NBEA: variants seen among roughly 807,000 people sequenced by gnomAD.
NBEA encodes lysosomal-trafficking regulator 2.
Under a neutral mutation model 343.4 loss-of-function variants are expected in NBEA, and 44 were observed. That is an observed-to-expected ratio of 0.13 (90% confidence interval 0.10 to 0.16). NBEA has a LOEUF of 0.16. NBEA is among the 10% of genes least tolerant of loss of function. NBEA has a pLI of 1.00. For synonymous variants in NBEA, 1,175 were observed against 1,238.7 expected (o/e 0.95, Z 1.08); for missense variants, 2,555 against 3,631.3 (o/e 0.70, Z 7.62).
At chr13:34,994,462 G>A (rs2060872453) in intron 1 of NBEA, among the ~76,000 whole-genome samples, 1 of 152,102 alleles carries the variant, frequency 6.6e-6, no homozygotes, top group African/African-American at 2.4e-5. Flanking sequence ...CAGCAATTGA[G>A]AGTGTTGATG....
intron 1 of NBEA, among the ~76,000 whole-genome samples, chr13:35,033,874 ATTTG>A (rs1446494387): frequency 4.0e-5 from 6 of 151,554 alleles, no homozygotes; most frequent in African/African-American, 9.7e-5. Flanking sequence ...ACTTTACTGA[ATTTG>A]TTTATTATTC....
intron 1 of NBEA, among the ~76,000 whole-genome samples, chr13:34,944,312 A>T (rs1264140382): frequency 6.6e-6 from 1 of 152,184 alleles, no homozygotes. Flanking sequence ...TCTATTGGAA[A>T]ACTGAGAGAA....
At chr13:35,060,442 G>T (rs1195223850) in intron 8 of NBEA, among the ~76,000 whole-genome samples, 3 of 151,732 alleles carry the variant, frequency 2.0e-5, no homozygotes, top group Non-Finnish European at 4.4e-5. Flanking sequence ...GTCATCATGT[G>T]TACACAGCTC....
At chr13:35,543,494 A>G (rs2078926330) in intron 41 of NBEA, among the ~76,000 whole-genome samples, 1 of 152,196 alleles carries the variant, frequency 6.6e-6, no homozygotes, top group Admixed American at 6.5e-5. Flanking sequence ...CTTTGAAAGT[A>G]AAGAATTGGG....
chr13:35,670,971 G>T lies in NBEA; in HGVS notation c.8884G>T (p.Glu2962Ter). The T allele has an allele frequency of 6.3e-7, 1 of 1,581,716 alleles. No individual in the cohort carries two copies. Among genetic ancestry groups the T allele is most frequent in the Non-Finnish European group, 8.6e-7 (1 of 1,162,362 alleles). The change falls in exon 59 of 59, where the codon GAG becomes TAG. Residue 2962 changes from glutamate (E) to a stop codon, truncating the protein, a stop_gained. Transcript: ENST00000379939. LOFTEE classifies it high-confidence loss of function. ...FNIDFNRWHY[E>*]HQNRY ...TATAGATTTTAATCGGTGGCATTAT[G>T]AGCATCAGAACAGATACTGAAGATA...
chr13:35,412,596 C>G (rs529756079), intron 38 of NBEA, among the ~76,000 whole-genome samples: 1 of 152,018 alleles, frequency 6.6e-6, no homozygotes, highest in Non-Finnish European at 1.5e-5. Flanking sequence ...TGGCTTGGCT[C>G]ATAGATTTGT....
rs1209338263 is a variant in NBEA at position 35,462,328 on chromosome 13, CAT to C, written c.6449-10071_6449-10070del. Among the ~76,000 whole-genome samples, 3 of 152,270 alleles carry C rather than the reference CAT, an allele frequency of 2.0e-5. No homozygotes were observed. The East Asian group carries it at 5.8e-4, about 29-fold the overall frequency. Reference sequence around the variant, plus strand: ...AACAGAAAACACGATCCTAGAATAACATGGATTCTGGAAAGCCTTTATTAGAA... The same window carrying C: ...AACAGAAAACACGATCCTAGAATAACGGATTCTGGAAAGCCTTTATTAGAA... On this transcript the variant is annotated intron_variant, in intron 40 of 58. Coordinates refer to ENST00000379939, the MANE Select transcript of NBEA (RefSeq NM_001385012.1).
intron 41 of NBEA, among the ~76,000 whole-genome samples, chr13:35,537,132 A>G (rs968552275): frequency 2.0e-5 from 3 of 152,160 alleles, no homozygotes; most frequent in African/African-American, 7.2e-5. Flanking sequence ...ATAATAAAAT[A>G]CAAATGGTAA....
chr13:35,288,134 C>G (rs1440986599), intron 34 of NBEA, among the ~76,000 whole-genome samples: 1 of 151,902 alleles, frequency 6.6e-6, no homozygotes, highest in Non-Finnish European at 1.5e-5. Flanking sequence ...TACACTCAAA[C>G]TTTTTGAGAC....
At chr13:35,605,055 T>C (rs1012272310) in intron 47 of NBEA, among the ~76,000 whole-genome samples, 2 of 152,194 alleles carry the variant, frequency 1.3e-5, no homozygotes, top group South Asian at 4.1e-4. Context: ...CAGTTTCTGG[T>C]ACTAAAAACC....
At chr13:35,481,308 G>C (rs1219360402) in intron 41 of NBEA, among the ~76,000 whole-genome samples, 1 of 151,870 alleles carries the variant, frequency 6.6e-6, no homozygotes, top group Non-Finnish European at 1.5e-5. Flanking sequence ...TTGCAGACTT[G>C]AAGTAATACT....
intron 41 of NBEA, among the ~76,000 whole-genome samples, chr13:35,479,816 G>T (rs2076048127): frequency 6.6e-6 from 1 of 151,884 alleles, no homozygotes; most frequent in Non-Finnish European, 1.5e-5. Flanking sequence ...CATGCTTTAG[G>T]ATGTAAATAC....
chr13:35,452,345 C>A, intron 40 of NBEA, 110 bp downstream of exon 40: 1 of 756,550 alleles, frequency 1.3e-6, no homozygotes, highest in Non-Finnish European at 2.2e-6. Flanking sequence ...TAACAATGCT[C>A]AATCACATGA....
intron 31 of NBEA, among the ~76,000 whole-genome samples, chr13:35,203,858 G>A (rs1355723078): frequency 6.6e-6 from 1 of 152,152 alleles, no homozygotes; most frequent in African/African-American, 2.4e-5. Flanking sequence ...ATTCTATGTA[G>A]TATAAAAGAA....
chr13:35,605,126 T>G (rs867218023), intron 47 of NBEA, among the ~76,000 whole-genome samples: 2 of 152,202 alleles, frequency 1.3e-5, no homozygotes, highest in South Asian at 4.1e-4. Context: ...AAGATTTCTA[T>G]TTAAATAGAA....
At chr13:35,099,843 T>A (rs1208095854) in intron 11 of NBEA, among the ~76,000 whole-genome samples, 1 of 152,176 alleles carries the variant, frequency 6.6e-6, no homozygotes, top group Non-Finnish European at 1.5e-5. Context: ...CACAGGAGTT[T>A]AGTTGTATTA....
At chr13:35,552,174 T>C (rs1185057119) in intron 43 of NBEA, among the ~76,000 whole-genome samples, 2 of 152,246 alleles carry the variant, frequency 1.3e-5, no homozygotes, top group Non-Finnish European at 2.9e-5. Flanking sequence ...AAAGGAAAAC[T>C]AATCTTTGTC....
At chr13:35,048,813 A>G (rs1358679897) in intron 5 of NBEA, 129 bp downstream of exon 5, 6 of 510,006 alleles carry the variant, frequency 1.2e-5, no homozygotes, top group Non-Finnish European at 1.7e-5. Context: ...AACTGTGAAG[A>G]CACTGTAAAT....
intron 10 of NBEA, among the ~76,000 whole-genome samples, chr13:35,075,751 C>T (rs991764558): frequency 6.6e-6 from 1 of 151,910 alleles, no homozygotes; most frequent in Non-Finnish European, 1.5e-5. Context: ...AATTAAGCAG[C>T]CCCTTAATAA....
Sources: gnomAD v4.1 joint callset for allele counts (sites outside exome capture counted in the v4.1 genomes callset) on GRCh38, gnomAD v4.1.1 for gene constraint, MANE v1.5 for transcripts, NCBI Gene and HGNC (gene_info 2026-07-23, HGNC 2026-07-21) for gene names.